ZDHHC4: variants seen among roughly 807,000 people sequenced by gnomAD.
ZDHHC4 encodes zDHHC palmitoyltransferase 4.
ZDHHC4 carries 42 observed loss-of-function variants against 36.7 expected under a neutral mutation model. The observed-to-expected ratio is 1.14, with a 90% confidence interval of 0.89 to 1.48. ZDHHC4 has a LOEUF of 1.48. Among genes scored for constraint, ZDHHC4 ranks in the 40% most tolerant of loss-of-function variants. The pLI, the probability that ZDHHC4 is intolerant of heterozygous loss-of-function variation, is 0.00. For missense variants in ZDHHC4, 457 were observed against 421.5 expected (o/e 1.08, Z -0.74); for synonymous variants, 189 against 166.6 (o/e 1.13, Z -1.03).
chr7:6,584,701 A>G (rs774545126), intron 6 of ZDHHC4, among the ~76,000 whole-genome samples: 13 of 152,098 alleles, frequency 8.5e-5, no homozygotes, highest in Non-Finnish European at 1.8e-4. Context: ...TGACGTGATC[A>G]TAGCTCACTG....
At chr7:6,587,577 T>C (rs77466316) in intron 7 of ZDHHC4, among the ~76,000 whole-genome samples, 256 of 152,370 alleles carry the variant, frequency 1.7e-3, no homozygotes, top group Non-Finnish European at 3.2e-3. Context: ...AAGATGACAG[T>C]GTAATCCTTA....
intron 6 of ZDHHC4, among the ~76,000 whole-genome samples, chr7:6,584,660 G>T (rs975315218): frequency 6.6e-5 from 10 of 152,040 alleles, no homozygotes; most frequent in Non-Finnish European, 1.5e-4. Context: ...TTGAGATAGG[G>T]TCTCACTCCA....
chr7:6,587,670 C>T (rs1156746206), intron 7 of ZDHHC4, among the ~76,000 whole-genome samples: 4 of 152,106 alleles, frequency 2.6e-5, no homozygotes, highest in Non-Finnish European at 4.4e-5. Flanking sequence ...CATGGCTCCT[C>T]GTTTTCCCAT....
Position 6,589,028 on chromosome 7 carries a change from G to A in ZDHHC4, c.*118G>A. ...CTGTGCTTATAAATCACTTTCGGTG[G>A]GCAAGGGAGAGAGGGGAAAATGGGT... On this transcript the variant is annotated 3_prime_UTR_variant, in exon 8 of 8. Transcript: ENST00000335965. 1 of 1,340,624 alleles carries A rather than the reference G, an allele frequency of 7.5e-7. No individual in the cohort carries two copies. The highest frequency in any genetic ancestry group is 1.4e-5 in the South Asian group (1 of 72,396). The allele number at this position is 1,340,624 out of a possible 1,614,324, so 83.0% of individuals were successfully genotyped here. A position where few individuals can be genotyped will look rare whatever the true frequency, so the allele number is the denominator to read the frequency against.
chr7:6,580,414 T>G, intron 2 of ZDHHC4, 141 bp from the exon 3 acceptor site: 1 of 740,382 alleles, frequency 1.4e-6, no homozygotes, highest in Non-Finnish European at 2.4e-6. Context: ...CTGTTTGTCT[T>G]TCTGCTTTTT....
chr7:6,582,108 A>C lies in ZDHHC4; in HGVS notation c.227A>C (p.Gln76Pro). 1 of 1,614,072 alleles carries C rather than the reference A, an allele frequency of 6.2e-7. No homozygotes were observed. The highest frequency in any genetic ancestry group is 2.2e-5 in the East Asian group (1 of 44,884). The part of the protein sequence containing the change: ...HTFIVLHLVL[Q>P]GMVYTEYTWE... ...TTCATTGTCCTGCACCTGGTCTTGC[A>C]AGGGATGGTTTATACTGAGTACACC... Residue 76 changes from glutamine to proline, a missense_variant, in exon 5 of 8, where the codon CAA (glutamine) becomes CCA (proline). By Grantham distance (76) the Gln-to-Pro change is moderately conservative. Transcript: ENST00000335965.
chr7:6,587,042 T>A (rs1264278180), intron 7 of ZDHHC4, among the ~76,000 whole-genome samples: 1 of 151,726 alleles, frequency 6.6e-6, no homozygotes, highest in Non-Finnish European at 1.5e-5. Context: ...CTGGGTCATA[T>A]GGTAACTTTT....
chr7:6,588,820 C>T lies in ZDHHC4; in HGVS notation c.945C>T (p.His315=), dbSNP rs760491628. The T allele has an allele frequency of 6.8e-6, 11 of 1,614,150 alleles. No individual in the cohort carries two copies. In the South Asian group the frequency reaches 8.8e-5, roughly 13 times the overall value. ...CTCCGTCAGCAGAGCCCCAAGTCCACCGGAACATTCACTCCCATGGGCTTC... is the reference window on the plus strand; with the variant it reads ...CTCCGTCAGCAGAGCCCCAAGTCCATCGGAACATTCACTCCCATGGGCTTC... ...AWPPSAEPQV[H]RNIHSHGLRS... The change falls in exon 8 of 8, where the codon CAC becomes CAT. Residue 315 remains histidine, a synonymous_variant. Transcript: ENST00000335965.
chr7:6,588,493 G>C, intron 7 of ZDHHC4, 124 bp from the exon 8 acceptor site: 1 of 986,808 alleles, frequency 1.0e-6, no homozygotes, highest in Non-Finnish European at 1.5e-6. Flanking sequence ...GTCACATCTG[G>C]ACACAAGTAG....
intron 7 of ZDHHC4, among the ~76,000 whole-genome samples, chr7:6,586,186 A>G (rs1290118626): frequency 1.3e-5 from 2 of 152,098 alleles, no homozygotes; most frequent in Admixed American, 6.6e-5. Context: ...TTCACATATC[A>G]TAAAATTCAC....
chr7:6,585,502 A>G (rs999947655), intron 7 of ZDHHC4, among the ~76,000 whole-genome samples: 1 of 152,074 alleles, frequency 6.6e-6, no homozygotes, highest in Admixed American at 6.6e-5. Flanking sequence ...TGTCTCTACA[A>G]AAAATACAAA....
At chr7:6,587,888 T>A (rs891379493) in intron 7 of ZDHHC4, among the ~76,000 whole-genome samples, 2 of 152,176 alleles carry the variant, frequency 1.3e-5, no homozygotes, top group Non-Finnish European at 2.9e-5. Flanking sequence ...TATTTTTAGA[T>A]GGAGTCTTGC....
In ZDHHC4 at chr7:6,585,033, G is replaced by C; in HGVS notation, c.514G>C (p.Val172Leu). 6.2e-7 allele frequency: 1 copy of C among 1,614,166 alleles called. No homozygotes were observed. The highest frequency in any genetic ancestry group is 8.5e-7 in the Non-Finnish European group (1 of 1,180,024). Residue 172 changes from valine (V) to leucine (L), a missense_variant, in exon 7 of 8, where the codon GTG becomes CTG. Transcript: ENST00000335965. ...CTGTGCAGGTGTGTGTAACTGGTGT[G>C]TGCACCGTTTCGACCATCACTGTGT... Reference protein sequence around the residue: ...SKHCSVCNWCVHRFDHHCVWV... With the variant: ...SKHCSVCNWCLHRFDHHCVWV...
intron 2 of ZDHHC4, among the ~76,000 whole-genome samples, chr7:6,579,105 C>T (rs1477292181): frequency 4.6e-5 from 7 of 150,694 alleles, no homozygotes; most frequent in Admixed American, 4.0e-4. Context: ...AGTACAGGCA[C>T]GAGCCACTAC....
intron 2 of ZDHHC4, among the ~76,000 whole-genome samples, chr7:6,579,572 C>T (rs1031045420): frequency 1.3e-5 from 2 of 152,144 alleles, no homozygotes; most frequent in East Asian, 3.8e-4. Context: ...ATGGTTGTGG[C>T]CAGTGTCCTG....
chr7:6,578,073 A>G (rs1227486728), intron 1 of ZDHHC4, among the ~76,000 whole-genome samples: 1 of 150,508 alleles, frequency 6.6e-6, no homozygotes, highest in Admixed American at 6.6e-5. Context: ...CAGGTGTTCT[A>G]CCCGCCTCGG....
In ZDHHC4 at chr7:6,583,376, G is replaced by T; in HGVS notation, c.441G>T (p.Lys147Asn). ...VYEFDEVMFP[K>N]NVRCSTCDLR... ...AATTTGATGAAGTGATGTTTCCAAAGAACGTGAGGTGCTCTACTTGTGATT... is the reference window on the plus strand; with the variant it reads ...AATTTGATGAAGTGATGTTTCCAAATAACGTGAGGTGCTCTACTTGTGATT... The change falls in exon 6 of 8, where the codon AAG becomes AAT. Residue 147 changes from lysine to asparagine, a missense_variant. Lys to Asn is a moderately conservative substitution (Grantham distance 94). Transcript: ENST00000335965. 6.2e-7 allele frequency: 1 copy of T among 1,613,980 alleles called. No individual in the cohort carries two copies. Among genetic ancestry groups the T allele is most frequent in the Non-Finnish European group, 8.5e-7 (1 of 1,179,942 alleles).
At chr7:6,583,255 A>G in intron 5 of ZDHHC4, 51 bp from the exon 6 acceptor site, 1 of 1,605,710 alleles carries the variant, frequency 6.2e-7, no homozygotes, top group South Asian at 1.1e-5. Flanking sequence ...TTTTGTGACT[A>G]TCCAGTCCAA....
In ZDHHC4 at chr7:6,589,210, C is replaced by T. The variant is rs191074188; in HGVS notation, c.*300C>T. 1.9e-5 allele frequency: 7 copies of T among 375,074 alleles called. No individual in the cohort carries two copies. The Admixed American group carries it at 2.3e-4, about 12-fold the overall frequency. 23.2% of individuals were successfully genotyped at this position (375,074 alleles called of 1,614,324 possible). On this transcript the variant is annotated 3_prime_UTR_variant, in exon 8 of 8. Coordinates refer to ENST00000335965, the MANE Select transcript of ZDHHC4 (RefSeq NM_001134389.2). The stretch of plus-strand genomic sequence containing the variant: ...TGGGCATGTGGACAGGAGGGGCTTG[C>T]GGCCGTGTCTCTGACCTGTGTGATG...
Sources: allele counts gnomAD v4.1 joint callset (sites outside exome capture counted in the v4.1 genomes callset), GRCh38; gene constraint gnomAD v4.1.1; transcripts MANE v1.5; gene names NCBI Gene and HGNC (gene_info 2026-07-23, HGNC 2026-07-21).